XDH: variants seen among roughly 807,000 people sequenced by gnomAD.
XDH encodes xanthine dehydrogenase/oxidase.
A neutral mutation model predicts 156.1 loss-of-function variants in XDH; 138 were observed. That is an observed-to-expected ratio of 0.88 (90% CI 0.77 to 1.02). The LOEUF is 1.02. XDH is among the 50% of genes least tolerant of loss of function. The probability of loss-of-function intolerance (pLI) is 0.00; values close to 1 mark genes in which losing one functional copy is unlikely to be tolerated. For missense variants in XDH, 1,849 were observed against 1,684.9 expected (o/e 1.10, Z -1.71); for synonymous variants, 669 against 625.7 (o/e 1.07, Z -1.03).
At chr2:31,357,241 AG>A (rs1409287770) in intron 24 of XDH, among the ~76,000 whole-genome samples, 1 of 152,242 alleles carries the variant, frequency 6.6e-6, no homozygotes, top group East Asian at 1.9e-4. Flanking sequence ...CGAAATAATA[AG>A]GATAAGAGCA....
intron 21 of XDH, 82 bp from the exon 22 acceptor site, chr2:31,366,191 C>G: frequency 6.2e-7 from 1 of 1,606,476 alleles, no homozygotes. Flanking sequence ...GTCCAACATG[C>G]ATGGACCTAA....
rs2148769418 is a variant in XDH at position 31,368,588 on chromosome 2, CT to C, written c.2052del (p.Val686Ter). 2 of 1,614,188 alleles carry C rather than the reference CT, an allele frequency of 1.2e-6. No homozygotes were observed. Among genetic ancestry groups the C allele is most frequent in the Non-Finnish European group, 1.7e-6 (2 of 1,180,028 alleles). ...DTPEHTQRAA[Q>X]GVKITYEELP... ...AGTTCTTCATAGGTGATTTTCACCC[CT>C]TGGGCAGCTCTCTGTGTGTGTTCCG... On this transcript the variant is annotated frameshift_variant, in exon 19 of 36. Coordinates refer to ENST00000379416, the MANE Select transcript of XDH (RefSeq NM_000379.4). LOFTEE classifies it high-confidence loss of function.
chr2:31,375,266 C>G, intron 15 of XDH, 114 bp downstream of exon 15: 1 of 1,358,830 alleles, frequency 7.4e-7, no homozygotes, highest in Admixed American at 1.7e-5. Context: ...ACCCTGGTCC[C>G]TGCTATTCTG....
At chr2:31,410,344 C>G (rs1687307650) in intron 1 of XDH, among the ~76,000 whole-genome samples, 1 of 152,006 alleles carries the variant, frequency 6.6e-6, no homozygotes, top group Non-Finnish European at 1.5e-5. Flanking sequence ...TACCACTGAA[C>G]TGTACACATA....
Position 31,336,001 on chromosome 2 carries a change from G to C in XDH, c.3959C>G (p.Thr1320Ser). ...CVDKFTTLCV[T>S]GVPENCKPWS... is the part of the protein sequence containing the mutation. ...GGGTTTGCAGTTTTCTGGGACACCA[G>C]TGACACACTAGGAAGGAATGATAGT... Residue 1320 changes from threonine to serine, a missense_variant, in exon 36 of 36, where the codon ACT (threonine) becomes AGT (serine). By Grantham distance (58) the Thr-to-Ser change is moderately conservative. Coordinates refer to ENST00000379416, the MANE Select transcript of XDH (RefSeq NM_000379.4). 2 of 1,614,176 alleles carry C rather than the reference G, an allele frequency of 1.2e-6. No homozygotes were observed. Among genetic ancestry groups the C allele is most frequent in the Middle Eastern group, 1.6e-4 (1 of 6,062 alleles).
At position 31,366,921 on chromosome 2, in the gene XDH, C is replaced by T; in HGVS notation, c.2271G>A (p.Glu757=). The T allele has an allele frequency of 6.2e-7, 1 of 1,614,246 alleles. No homozygotes were observed. The change falls in exon 21 of 36, where the codon GAG becomes GAA. Residue 757 remains glutamate, a synonymous_variant. Transcript: ENST00000379416. ...THCTIAVPKG[E]AGEMELFVST... is the part of the protein sequence containing the mutation. ...ACACAAAGAGCTCCATCTCCCCTGC[C>T]TCGCCTTTTGGAACAGCAATGGTGC...
intron 15 of XDH, among the ~76,000 whole-genome samples, chr2:31,374,428 T>C (rs955339889): frequency 6.6e-6 from 1 of 151,750 alleles, no homozygotes; most frequent in Non-Finnish European, 1.5e-5. Context: ...CATCAAAAGA[T>C]AGGAAGATGA....
chr2:31,336,027 G>A lies in XDH; in HGVS notation c.3952-19C>T. 2 of 1,614,000 alleles carry A rather than the reference G, an allele frequency of 1.2e-6. No individual in the cohort carries two copies. Among genetic ancestry groups the A allele is most frequent in the Non-Finnish European group, 1.7e-6 (2 of 1,179,858 alleles). On this transcript the variant is annotated intron_variant, in intron 35 of 35. Coordinates refer to ENST00000379416, the MANE Select transcript of XDH (RefSeq NM_000379.4). ...TGACACACTAGGAAGGAATGATAGT[G>A]TTCTCATTGCCAGGGTCTGCTGATC...
intron 20 of XDH, among the ~76,000 whole-genome samples, chr2:31,367,692 A>G (rs184453825): frequency 2.0e-3 from 307 of 152,242 alleles, no homozygotes; most frequent in African/African-American, 7.1e-3. Context: ...TGTGGCTGTT[A>G]TCATCCCTAG....
At chr2:31,375,285 T>A in intron 15 of XDH, 95 bp downstream of exon 15, 1 of 1,471,890 alleles carries the variant, frequency 6.8e-7, no homozygotes. Flanking sequence ...TGCCCTCAGA[T>A]GTCCAGAGGA....
intron 2 of XDH, among the ~76,000 whole-genome samples, chr2:31,404,086 A>G (rs1262366840): frequency 6.6e-6 from 1 of 152,214 alleles, no homozygotes; most frequent in Non-Finnish European, 1.5e-5. Flanking sequence ...AGATTTAAAA[A>G]AAACAACAAA....
At chr2:31,343,873 C>G (rs933132235) in intron 31 of XDH, among the ~76,000 whole-genome samples, 8 of 147,006 alleles carry the variant, frequency 5.4e-5, no homozygotes, top group South Asian at 4.3e-4. Context: ...ATGTTTCATA[C>G]AAAGAAATGT....
chr2:31,355,986 T>C (rs1685613094), intron 24 of XDH, among the ~76,000 whole-genome samples: 1 of 152,128 alleles, frequency 6.6e-6, no homozygotes, highest in African/African-American at 2.4e-5. Flanking sequence ...TAATATGAGA[T>C]AAAGTAGACT....
At chr2:31,347,736 C>G (rs1222396980) in intron 28 of XDH, 86 bp from the exon 29 acceptor site, 8 of 1,530,298 alleles carry the variant, frequency 5.2e-6, no homozygotes, top group Non-Finnish European at 7.1e-6. Context: ...TTCACATTCA[C>G]TGTTACAGGC....
At chr2:31,370,515 A>G in intron 17 of XDH, 37 bp from the exon 18 acceptor site, 2 of 1,613,036 alleles carry the variant, frequency 1.2e-6, no homozygotes, top group Non-Finnish European at 8.5e-7. Flanking sequence ...CAGGTCAGCA[A>G]GCTGGAGCAG....
At chr2:31,366,775 A>G in intron 21 of XDH, 95 bp downstream of exon 21, 1 of 1,599,816 alleles carries the variant, frequency 6.3e-7, no homozygotes, top group South Asian at 1.1e-5. Context: ...ACCAGCCCAC[A>G]TCTCCCTCTT....
At chr2:31,347,495 C>T in intron 29 of XDH, 27 bp downstream of exon 29, 2 of 1,612,948 alleles carry the variant, frequency 1.2e-6, no homozygotes, top group East Asian at 2.2e-5. Context: ...TGGCCCTCTG[C>T]TCTGCGGGAT....
chr2:31,394,317 T>C (rs1435745383), intron 6 of XDH, among the ~76,000 whole-genome samples: 2 of 152,182 alleles, frequency 1.3e-5, no homozygotes, highest in Non-Finnish European at 2.9e-5. Flanking sequence ...CTTTGGTTTT[T>C]TCTTTCAATA....
chr2:31,343,564 A>G (rs1685199199), intron 31 of XDH, among the ~76,000 whole-genome samples: 1 of 146,216 alleles, frequency 6.8e-6, no homozygotes, highest in Admixed American at 6.8e-5. Flanking sequence ...TATATAAGGC[A>G]TATATATATT....
Sources: allele counts gnomAD v4.1 joint callset (sites outside exome capture counted in the v4.1 genomes callset), GRCh38; gene constraint gnomAD v4.1.1; transcripts MANE v1.5; gene names NCBI Gene and HGNC (gene_info 2026-07-23, HGNC 2026-07-21).